The following WBP2NL variants were observed in gnomAD, a reference collection of about 807,000 sequenced individuals.
WBP2NL encodes the protein postacrosomal sheath WW domain-binding protein.
Under a neutral mutation model 23.3 loss-of-function variants are expected in WBP2NL, and 27 were observed. That is an observed-to-expected ratio of 1.16 (90% CI 0.85 to 1.60). The LOEUF (loss-of-function observed/expected upper bound fraction) is 1.60, where lower values mean the gene tolerates loss of function less well. Ranked by LOEUF, WBP2NL falls within the 40% of genes most tolerant of loss-of-function variation. The pLI is 0.00. For missense variants in WBP2NL, 370 were observed against 389.5 expected (o/e 0.95, Z 0.42); for synonymous variants, 151 against 145.9 (o/e 1.03, Z -0.25).
chr22:42,000,672 T>C (rs1428033552), intron 1 of WBP2NL, among the ~76,000 whole-genome samples: 1 of 151,428 alleles, frequency 6.6e-6, no homozygotes, highest in Admixed American at 6.6e-5. Context: ...CCCACGCCTG[T>C]AATCCCAGCA....
At chr22:42,017,545 A>C (rs1487059713) in intron 1 of WBP2NL, among the ~76,000 whole-genome samples, 1 of 152,210 alleles carries the variant, frequency 6.6e-6, no homozygotes, top group Non-Finnish European at 1.5e-5. Context: ...TATGACATAC[A>C]TTTATATTAT....
chr22:42,037,438 T>A (rs867973747), downstream of WBP2NL, among the ~76,000 whole-genome samples: 107 of 151,326 alleles, frequency 7.1e-4, no homozygotes, highest in African/African-American at 2.4e-3. Context: ...GGGTTTTTTG[T>A]AGTTCCATAT....
chr22:41,999,314 C>T (rs1038067374), intron 1 of WBP2NL, among the ~76,000 whole-genome samples: 2 of 152,172 alleles, frequency 1.3e-5, no homozygotes, highest in Non-Finnish European at 2.9e-5. Flanking sequence ...TGTATCTCCT[C>T]CTACTTCCAC....
chr22:42,044,378 C>T (rs1925506212), intron 8 of WBP2NL, among the ~76,000 whole-genome samples: 1 of 152,096 alleles, frequency 6.6e-6, no homozygotes, highest in Non-Finnish European at 1.5e-5. Flanking sequence ...GCTGGCCTTA[C>T]CTTTCAATAC....
At chr22:42,054,347 A>ATT (rs774410235) in intron 8 of WBP2NL, among the ~76,000 whole-genome samples, 1 of 141,510 alleles carries the variant, frequency 7.1e-6, no homozygotes, top group Non-Finnish European at 1.6e-5. Context: ...TGCCCAGGTA[A>ATT]TTTTTTTTTT....
At chr22:42,020,862 GTGTGTGTATA>G (rs1221193383) in intron 4 of WBP2NL, among the ~76,000 whole-genome samples, 118 of 33,906 alleles carry the variant, frequency 3.5e-3, no homozygotes, top group Non-Finnish European at 4.6e-3. Flanking sequence ...ATGTGTGTGT[GTGTGTGTATA>G]TATATATATA....
downstream of WBP2NL, among the ~76,000 whole-genome samples, chr22:42,037,645 T>A (rs936357663): frequency 2.0e-5 from 3 of 152,272 alleles, no homozygotes; most frequent in African/African-American, 7.2e-5. Flanking sequence ...TTTTGCTGAG[T>A]CCCGTAAATT....
chr22:42,053,994 T>C (rs12168288), intron 8 of WBP2NL, among the ~76,000 whole-genome samples: 10,969 of 152,184 alleles, frequency 0.072, 1,344 homozygotes, highest in African/African-American at 0.25. Context: ...AAGGTCTTAC[T>C]ATGTTGCTCA....
intron 8 of WBP2NL, among the ~76,000 whole-genome samples, chr22:42,053,138 G>A (rs1925895565): frequency 6.6e-6 from 1 of 152,146 alleles, no homozygotes; most frequent in African/African-American, 2.4e-5. Context: ...AAGTTTTCAA[G>A]GTTCAACCGT....
At chr22:42,038,906 AT>A (rs935339230) in intron 8 of WBP2NL, among the ~76,000 whole-genome samples, 16 of 145,472 alleles carry the variant, frequency 1.1e-4, no homozygotes, top group Admixed American at 7.6e-4. Context: ...GTCCAGCTGG[AT>A]TTTTTTTTTC....
chr22:42,045,394 C>T (rs569362162), intron 8 of WBP2NL, among the ~76,000 whole-genome samples: 67 of 152,208 alleles, frequency 4.4e-4, no homozygotes, highest in Non-Finnish European at 8.1e-4. Context: ...TGAGCCACTG[C>T]ACTCCAGCCT....
intron 8 of WBP2NL, among the ~76,000 whole-genome samples, chr22:42,042,262 C>T (rs2146817211): frequency 6.6e-6 from 1 of 152,272 alleles, no homozygotes; most frequent in East Asian, 1.9e-4. Flanking sequence ...TTCCTTTTCT[C>T]ACTCTTCTTC....
downstream of WBP2NL, among the ~76,000 whole-genome samples, chr22:42,037,059 G>A (rs1398695013): frequency 6.6e-6 from 1 of 151,766 alleles, no homozygotes; most frequent in Admixed American, 6.6e-5. Context: ...GCAGTTTCAA[G>A]TTTTACATTT....
chr22:42,026,669 G>A (rs1924525598), intron 5 of WBP2NL, 97 bp from the exon 6 acceptor site: 4 of 1,521,722 alleles, frequency 2.6e-6, no homozygotes, highest in Admixed American at 2.1e-5. Flanking sequence ...CTCTTCTTGC[G>A]TCAGTTTGCT....
At chr22:42,018,433 A>G (rs1923542990) in intron 1 of WBP2NL, among the ~76,000 whole-genome samples, 1 of 151,612 alleles carries the variant, frequency 6.6e-6, no homozygotes, top group African/African-American at 2.4e-5. Context: ...AAAGGAAAGG[A>G]AAGAAAGAAG....
Position 42,028,103 on chromosome 22 carries a change from T to C in WBP2NL, c.*922T>C. On this transcript the variant is annotated 3_prime_UTR_variant, in exon 6 of 6. Coordinates refer to ENST00000328823, the MANE Select transcript of WBP2NL (RefSeq NM_152613.3). ...AGATGCATGTGGGAAGATTTCATTA[T>C]ATTCATTGTTTCTAACAGCACAAAA... 1 of 398,500 alleles carries C rather than the reference T, an allele frequency of 2.5e-6. No homozygotes were observed. The highest frequency in any genetic ancestry group is 1.3e-4 in the South Asian group (1 of 7,860). 24.7% of individuals were successfully genotyped at this position (398,500 alleles called of 1,614,324 possible). A position where few individuals can be genotyped will look rare whatever the true frequency, so the allele number is the denominator to read the frequency against.
chr22:42,005,471 G>A (rs553925515), intron 1 of WBP2NL, among the ~76,000 whole-genome samples: 15 of 151,874 alleles, frequency 9.9e-5, no homozygotes, highest in African/African-American at 9.7e-5. Context: ...TGGAGATCTC[G>A]CTACTGCATT....
Position 41,998,872 on chromosome 22 carries a change from C to A in WBP2NL, c.54C>A (p.Asn18Lys). The A allele has an allele frequency of 1.2e-6, 2 of 1,611,030 alleles. No homozygotes were observed. The highest frequency in any genetic ancestry group is 1.7e-6 in the Non-Finnish European group (2 of 1,178,066). Residue 18 changes from asparagine to lysine, a missense_variant, in exon 1 of 6, where the codon AAC becomes AAA. Coordinates refer to ENST00000328823, the MANE Select transcript of WBP2NL (RefSeq NM_152613.3). ...TENRRGALIP[N>K]GESLLKRSPN... is the part of the protein sequence containing the mutation. ...ACCGCCGCGGAGCCCTCATCCCTAA[C>A]GGTGAAAGGTGCCTGAGGGGAAGCA...
Position 42,028,181 on chromosome 22 carries a change from A to G in WBP2NL, c.*1000A>G. 2.5e-6 allele frequency: 1 copy of G among 398,116 alleles called. No individual in the cohort carries two copies. The allele number at this position is 398,116 out of a possible 1,614,324, so 24.7% of individuals were successfully genotyped here. On this transcript the variant is annotated 3_prime_UTR_variant, in exon 6 of 6. Coordinates refer to ENST00000328823, the MANE Select transcript of WBP2NL (RefSeq NM_152613.3). Reference sequence around the variant, plus strand: ...AGGAAATATATGAATAGGCTATGGTATGCCCATACTACGTATGCAGAAATT... The same window carrying G: ...AGGAAATATATGAATAGGCTATGGTGTGCCCATACTACGTATGCAGAAATT...
Sources: gnomAD v4.1 joint callset for allele counts (sites outside exome capture counted in the v4.1 genomes callset) on GRCh38, gnomAD v4.1.1 for gene constraint, MANE v1.5 for transcripts, NCBI Gene and HGNC (gene_info 2026-07-23, HGNC 2026-07-21) for gene names.